The following KPNA6 variants were observed in gnomAD, a reference collection of about 807,000 sequenced individuals.
The protein encoded by KPNA6 is karyopherin subunit alpha 6.
In KPNA6, 9 loss-of-function variants were observed where a neutral mutation model predicts 72.0. That is an observed-to-expected ratio of 0.13 (90% CI 0.08 to 0.22). KPNA6 has a LOEUF of 0.22. KPNA6 is among the 10% of genes least tolerant of loss of function. The pLI, the probability that KPNA6 is intolerant of heterozygous loss-of-function variation, is 1.00. For missense variants in KPNA6, 374 were observed against 655.7 expected (o/e 0.57, Z 4.69); for synonymous variants, 219 against 242.1 (o/e 0.90, Z 0.89).
intron 1 of KPNA6, among the ~76,000 whole-genome samples, chr1:32,147,015 C>T (rs1387407070): frequency 2.6e-5 from 4 of 151,924 alleles, no homozygotes; most frequent in African/African-American, 9.7e-5. Flanking sequence ...ACCACCACGT[C>T]CGGCTAATTT....
intron 1 of KPNA6, among the ~76,000 whole-genome samples, chr1:32,110,362 G>A (rs1279744267): frequency 6.6e-6 from 1 of 152,104 alleles, no homozygotes; most frequent in African/African-American, 2.4e-5. Context: ...ACCGCGCCTG[G>A]CCTGGAATTG....
intron 10 of KPNA6, 61 bp from the exon 11 acceptor site, chr1:32,166,044 C>T: frequency 1.4e-6 from 2 of 1,466,708 alleles, no homozygotes; most frequent in Non-Finnish European, 1.8e-6. Flanking sequence ...AACAAAAAAA[C>T]ATAAAAAAAA....
intron 1 of KPNA6, among the ~76,000 whole-genome samples, chr1:32,151,516 C>G (rs1171825325): frequency 6.6e-6 from 1 of 152,066 alleles, no homozygotes; most frequent in East Asian, 1.9e-4. Context: ...CTGCCTATTT[C>G]TCTCCTCGCT....
At chr1:32,167,422 A>G in intron 12 of KPNA6, 126 bp downstream of exon 12, 1 of 990,580 alleles carries the variant, frequency 1.0e-6, no homozygotes, top group Non-Finnish European at 1.5e-6. Flanking sequence ...ACTGTAATAG[A>G]ATTTTACTGG....
chr1:32,116,549 T>C (rs1380290176), intron 1 of KPNA6, among the ~76,000 whole-genome samples: 2 of 152,010 alleles, frequency 1.3e-5, no homozygotes, highest in East Asian at 1.9e-4. Flanking sequence ...TTCTAGCTAT[T>C]TGGGAGGCTG....
At chr1:32,119,367 C>CT (rs1185076967) in intron 1 of KPNA6, among the ~76,000 whole-genome samples, 1 of 151,898 alleles carries the variant, frequency 6.6e-6, no homozygotes, top group Non-Finnish European at 1.5e-5. Context: ...ATTTACTAGT[C>CT]TTTGTCTTTG....
At chr1:32,169,011 A>G (rs375103853) in intron 12 of KPNA6, among the ~76,000 whole-genome samples, 2 of 152,280 alleles carry the variant, frequency 1.3e-5, no homozygotes, top group East Asian at 3.9e-4. Context: ...TAGACCAACC[A>G]CATGTGAAAT....
chr1:32,150,264 C>A (rs1281729457), intron 1 of KPNA6, among the ~76,000 whole-genome samples: 1 of 150,764 alleles, frequency 6.6e-6, no homozygotes, highest in Non-Finnish European at 1.5e-5. Flanking sequence ...TCCCGAGTAG[C>A]TGGGATTACA....
At chr1:32,135,796 G>GGAT (rs1424465276) in intron 1 of KPNA6, among the ~76,000 whole-genome samples, 1 of 150,146 alleles carries the variant, frequency 6.7e-6, no homozygotes, top group Non-Finnish European at 1.5e-5. Flanking sequence ...TTTTTTTTTA[G>GGAT]GATGATGAAG....
chr1:32,142,846 A>T, intron 1 of KPNA6: 1 of 799,700 alleles, frequency 1.3e-6, no homozygotes, highest in Admixed American at 3.2e-5. Flanking sequence ...TTCCAATCTA[A>T]CCTCCCTTGT....
At chr1:32,168,037 G>A (rs890030836) in intron 12 of KPNA6, among the ~76,000 whole-genome samples, 2 of 151,970 alleles carry the variant, frequency 1.3e-5, no homozygotes, top group African/African-American at 2.4e-5. Context: ...TTGTAGTGGC[G>A]TGTGCCCGTG....
At chr1:32,142,255 CAAAAAAAAAA>C (rs763008502) in intron 1 of KPNA6, among the ~76,000 whole-genome samples, 15 of 55,304 alleles carry the variant, frequency 2.7e-4, no homozygotes, top group Non-Finnish European at 1.3e-4. Context: ...GACCCTGTCT[CAAAAAAAAAA>C]AAAAAAAAAA....
chr1:32,114,451 A>AAAATATATATAT (rs982175711), intron 1 of KPNA6, among the ~76,000 whole-genome samples: 2 of 145,524 alleles, frequency 1.4e-5, no homozygotes, highest in African/African-American at 5.1e-5. Context: ...CAAAAAAAAA[A>AAAATATATATAT]ATATATATAT....
chr1:32,108,322 A>T (rs1444851305), intron 1 of KPNA6, among the ~76,000 whole-genome samples, 188 bp downstream of exon 1: 1 of 152,236 alleles, frequency 6.6e-6, no homozygotes, highest in African/African-American at 2.4e-5. Flanking sequence ...TGCTGGAAGC[A>T]GTCCTTTGGT....
chr1:32,121,948 G>T lies in KPNA6; in HGVS notation c.4+13814G>T, dbSNP rs533494395. 3.3e-5 allele frequency among the ~76,000 whole-genome samples: 5 copies of T among 152,106 alleles called. No homozygotes were observed. In the South Asian group the frequency reaches 1.0e-3, roughly 32 times the overall value. ...AGATCGTGCCACTGCCCTCCAGCCTGGGTGACAGAGCGACACTCCGACTCA... is the reference window on the plus strand; with the variant it reads ...AGATCGTGCCACTGCCCTCCAGCCTTGGTGACAGAGCGACACTCCGACTCA... On this transcript the variant is annotated intron_variant, in intron 1 of 13. Transcript: ENST00000373625.
chr1:32,125,242 G>T (rs900970960), intron 1 of KPNA6, among the ~76,000 whole-genome samples: 1 of 152,288 alleles, frequency 6.6e-6, no homozygotes, highest in South Asian at 2.1e-4. Context: ...TTGGCAGTTT[G>T]TATAAAAACA....
chr1:32,125,128 A>T (rs886222127), intron 1 of KPNA6, among the ~76,000 whole-genome samples: 1 of 152,248 alleles, frequency 6.6e-6, no homozygotes, highest in African/African-American at 2.4e-5. Flanking sequence ...TACAGGCCTG[A>T]GTCACCTCAC....
chr1:32,167,380 C>T (rs1642358861), intron 12 of KPNA6, 84 bp downstream of exon 12: 3 of 1,519,934 alleles, frequency 2.0e-6, no homozygotes, highest in Non-Finnish European at 2.7e-6. Context: ...CTATAAACTG[C>T]TCTTGCTCAG....
At chr1:32,155,291 T>C (rs905549249) in intron 2 of KPNA6, among the ~76,000 whole-genome samples, 2 of 151,514 alleles carry the variant, frequency 1.3e-5, no homozygotes, top group Non-Finnish European at 2.9e-5. Flanking sequence ...ATTCTAGTTC[T>C]AGTTCCTTGT....
Sources: allele counts gnomAD v4.1 joint callset (sites outside exome capture counted in the v4.1 genomes callset), GRCh38; gene constraint gnomAD v4.1.1; transcripts MANE v1.5; gene names NCBI Gene and HGNC (gene_info 2026-07-23, HGNC 2026-07-21).